Variants in ALK observed in about 807,000 individuals in gnomAD.
ALK encodes the protein ALK tyrosine kinase receptor.
ALK carries 74 observed loss-of-function variants against 163.1 expected under a neutral mutation model. The observed-to-expected ratio is 0.45, with a 90% confidence interval of 0.38 to 0.55. The LOEUF is 0.55. ALK is among the 20% of genes least tolerant of loss of function. ALK has a pLI of 0.00. For missense variants in ALK, 2,063 were observed against 2,105.3 expected (o/e 0.98, Z 0.39); for synonymous variants, 960 against 843.2 (o/e 1.14, Z -2.40).
chr2:29,388,996 G>T (rs1316436099), intron 4 of ALK, among the ~76,000 whole-genome samples: 2 of 152,180 alleles, frequency 1.3e-5, no homozygotes, highest in African/African-American at 2.4e-5. Flanking sequence ...TAGAGTAAAA[G>T]CTTCTTCTTT....
intron 1 of ALK, among the ~76,000 whole-genome samples, chr2:29,810,854 A>T (rs5007105): frequency 0.46 from 70,302 of 151,772 alleles, 17,642 homozygotes; most frequent in South Asian, 0.57. Flanking sequence ...AAATGAAGTT[A>T]TAAAGATAGG....
intron 23 of ALK, among the ~76,000 whole-genome samples, chr2:29,220,136 T>A (rs1669761494): frequency 6.6e-6 from 1 of 152,192 alleles, no homozygotes; most frequent in African/African-American, 2.4e-5. Context: ...TGCCCAAATC[T>A]TACGTTGAAT....
intron 4 of ALK, among the ~76,000 whole-genome samples, chr2:29,453,841 GA>G (rs1670883719): frequency 6.6e-6 from 1 of 152,040 alleles, no homozygotes. Flanking sequence ...GCCTGTTAAG[GA>G]CCTCAGAGAA....
At position 29,296,953 on chromosome 2, in the gene ALK, G is replaced by A. The variant is rs367912697; in HGVS notation, c.1752C>T (p.Val584=). Residue 584 remains valine, a synonymous_variant, in exon 9 of 29, where the codon GTC becomes GTT. Coordinates refer to ENST00000389048, the MANE Select transcript of ALK (RefSeq NM_004304.5). ...GKEQGRMVWH[V]AAYEGLSLWQ... ...ACAGGCTCAAGCCTTCATAGGCGGC[G>A]ACATGCCAGACCATCCTGCCTTGCT... 74 of 1,614,192 alleles carry A rather than the reference G, an allele frequency of 4.6e-5. No homozygotes were observed. In the African/African-American group the frequency reaches 4.9e-4, roughly 11 times the overall value.
At chr2:29,224,014 C>G (rs12615096) in intron 19 of ALK, 2 of 273,542 alleles carry the variant, frequency 7.3e-6, no homozygotes, top group African/African-American at 4.3e-5. Context: ...CAGCAAGGCC[C>G]TAAGGGGTTC....
chr2:29,402,019 TG>T (rs1236629995), intron 4 of ALK, among the ~76,000 whole-genome samples: 6 of 152,284 alleles, frequency 3.9e-5, no homozygotes, highest in Admixed American at 3.9e-4. Context: ...GCCGGGCTGG[TG>T]GGAACCGCAG....
chr2:29,706,978 T>C (rs1168581991), intron 2 of ALK, among the ~76,000 whole-genome samples: 1 of 79,364 alleles, frequency 1.3e-5, no homozygotes, highest in Non-Finnish European at 2.1e-5. Context: ...ATGCAGAATG[T>C]GTGTGTGTGT....
At chr2:29,833,024 G>T (rs1665462079) in intron 1 of ALK, among the ~76,000 whole-genome samples, 1 of 152,156 alleles carries the variant, frequency 6.6e-6, no homozygotes, top group Non-Finnish European at 1.5e-5. Context: ...AGAGCCCAGT[G>T]TGGGTGGGTG....
chr2:29,229,137 C>T, intron 15 of ALK, 71 bp from the exon 16 acceptor site: 1 of 1,481,824 alleles, frequency 6.7e-7, no homozygotes, highest in Non-Finnish European at 9.4e-7. Flanking sequence ...GCCAGAGAAG[C>T]AGGATGCAGG....
intron 1 of ALK, among the ~76,000 whole-genome samples, chr2:29,846,254 C>A (rs1240725656): frequency 6.6e-6 from 1 of 152,198 alleles, no homozygotes; most frequent in Non-Finnish European, 1.5e-5. Context: ...CACTTGCCCC[C>A]CCACCTGACC....
At chr2:29,822,877 C>T (rs1227613628) in intron 1 of ALK, among the ~76,000 whole-genome samples, 1 of 152,216 alleles carries the variant, frequency 6.6e-6, no homozygotes, top group Non-Finnish European at 1.5e-5. Flanking sequence ...CCTAAGGACT[C>T]TCTCAGTTCT....
At chr2:29,612,898 T>G (rs1341513080) in intron 3 of ALK, among the ~76,000 whole-genome samples, 1 of 152,154 alleles carries the variant, frequency 6.6e-6, no homozygotes, top group East Asian at 1.9e-4. Context: ...CCAGACTACA[T>G]AACACCTTCA....
intron 1 of ALK, among the ~76,000 whole-genome samples, chr2:29,850,122 T>C (rs756105677): frequency 2.0e-5 from 3 of 152,234 alleles, no homozygotes; most frequent in Non-Finnish European, 4.4e-5. Context: ...TGTATACACG[T>C]CACCTGATGG....
chr2:29,307,634 A>G (rs1272504478), intron 8 of ALK, among the ~76,000 whole-genome samples: 1 of 152,174 alleles, frequency 6.6e-6, no homozygotes, highest in Non-Finnish European at 1.5e-5. Context: ...TTCAGCTGAG[A>G]ATACTGACTC....
At chr2:29,273,088 AG>A (rs1311211250) in intron 11 of ALK, among the ~76,000 whole-genome samples, 1 of 152,082 alleles carries the variant, frequency 6.6e-6, no homozygotes, top group Non-Finnish European at 1.5e-5. Flanking sequence ...GTCCTTCTTC[AG>A]GGGGCCTCCC....
intron 4 of ALK, among the ~76,000 whole-genome samples, chr2:29,424,891 G>A (rs1670098121): frequency 6.6e-6 from 1 of 152,122 alleles, no homozygotes; most frequent in Non-Finnish European, 1.5e-5. Context: ...TTTCCATTGA[G>A]GGTACCATAA....
chr2:29,725,672 T>C (rs1679552094), intron 1 of ALK, among the ~76,000 whole-genome samples: 1 of 152,166 alleles, frequency 6.6e-6, no homozygotes, highest in Non-Finnish European at 1.5e-5. Flanking sequence ...TAGAAAAAAT[T>C]AGGAAAAGCA....
At position 29,750,609 on chromosome 2, in the gene ALK, T is replaced by C. The variant is rs375686283; in HGVS notation, c.668-32912A>G. Among the ~76,000 whole-genome samples the C allele has an allele frequency of 5.3e-5, 6 of 112,602 alleles. No individual in the cohort carries two copies. In the East Asian group the frequency reaches 1.3e-3, roughly 24 times the overall value. 73.9% of individuals were successfully genotyped at this position (112,602 alleles called of 152,430 possible). On this transcript the variant is annotated intron_variant, in intron 1 of 28. Coordinates refer to ENST00000389048, the MANE Select transcript of ALK (RefSeq NM_004304.5). Reference sequence around the variant, plus strand: ...GGTCAGGTTGATTGCTTGAGTGGAGTGGAGTGTAACGGAACAGAATGGGAA... The same window carrying C: ...GGTCAGGTTGATTGCTTGAGTGGAGCGGAGTGTAACGGAACAGAATGGGAA...
At chr2:29,276,120 T>C (rs1042456504) in intron 9 of ALK, among the ~76,000 whole-genome samples, 3 of 152,178 alleles carry the variant, frequency 2.0e-5, no homozygotes, top group Admixed American at 1.3e-4. Flanking sequence ...CCAGCACCCA[T>C]AGGGTTTATC....
Sources: allele counts gnomAD v4.1 joint callset (sites outside exome capture counted in the v4.1 genomes callset), GRCh38; gene constraint gnomAD v4.1.1; transcripts MANE v1.5; gene names NCBI Gene and HGNC (gene_info 2026-07-23, HGNC 2026-07-21).